SKI: variants seen among roughly 807,000 people sequenced by gnomAD.
SKI encodes ski oncogene.
SKI carries 23 observed loss-of-function variants against 59.3 expected under a neutral mutation model. The observed-to-expected ratio is 0.39, with a 90% CI of 0.28 to 0.55. SKI has a LOEUF of 0.55. Among genes scored for constraint, SKI ranks in the 20% least tolerant of loss-of-function variants. SKI has a pLI of 0.67. For synonymous variants in SKI, 673 were observed against 488.6 expected, an observed-to-expected ratio of 1.38 and a Z score of -4.98; for missense variants, 1,017 against 1,038.9, an observed-to-expected ratio of 0.98 and a Z score of 0.29.
chr1:2,283,936 A>G (rs980144705), intron 1 of SKI, among the ~76,000 whole-genome samples: 1 of 152,138 alleles, frequency 6.6e-6, no homozygotes, highest in African/African-American at 2.4e-5. Context: ...CCCTTCCTGC[A>G]GGAGGCGGGG....
chr1:2,241,151 A>C (rs1405504299), intron 1 of SKI, among the ~76,000 whole-genome samples: 1 of 152,238 alleles, frequency 6.6e-6, no homozygotes, highest in Non-Finnish European at 1.5e-5. Flanking sequence ...CAGAGGGCCC[A>C]GGGTCCCCTC....
At chr1:2,286,361 A>C (rs1640039785) in intron 1 of SKI, among the ~76,000 whole-genome samples, 1 of 151,378 alleles carries the variant, frequency 6.6e-6, no homozygotes, top group Non-Finnish European at 1.5e-5. Context: ...TGGGTGTGGT[A>C]GTGTGCCTGT....
intron 1 of SKI, among the ~76,000 whole-genome samples, chr1:2,237,288 C>T (rs994604457): frequency 2.0e-5 from 3 of 152,226 alleles, no homozygotes; most frequent in Non-Finnish European, 2.9e-5. Flanking sequence ...GCCTCTGTCT[C>T]TCTGTCCACG....
intron 1 of SKI, among the ~76,000 whole-genome samples, chr1:2,287,671 G>C (rs1011748822): frequency 3.3e-5 from 5 of 152,170 alleles, no homozygotes; most frequent in Non-Finnish European, 7.4e-5. Context: ...CCGCAGGGGG[G>C]GTGTGGACGG....
At chr1:2,305,711 C>T (rs2100923110) in intron 5 of SKI, among the ~76,000 whole-genome samples, 1 of 152,324 alleles carries the variant, frequency 6.6e-6, no homozygotes, top group South Asian at 2.1e-4. Context: ...GCCTACTTGG[C>T]TTGCTGCCCC....
intron 1 of SKI, among the ~76,000 whole-genome samples, chr1:2,257,677 C>A (rs1482766939): frequency 6.6e-6 from 1 of 152,098 alleles, no homozygotes; most frequent in Non-Finnish European, 1.5e-5. Flanking sequence ...ATTATTATAT[C>A]TTCTTGACAT....
At chr1:2,273,444 G>A (rs1639672228) in intron 1 of SKI, among the ~76,000 whole-genome samples, 1 of 152,112 alleles carries the variant, frequency 6.6e-6, no homozygotes, top group African/African-American at 2.4e-5. Flanking sequence ...TTCTCAGCTT[G>A]GCATGGGGAG....
rs186349773 is a variant in SKI, at chr1:2,237,844, G to A, written c.969+8109G>A. Among the ~76,000 whole-genome samples the A allele has an allele frequency of 1.2e-3, 177 of 152,352 alleles. 1 individual carries two copies. Among genetic ancestry groups the A allele is most frequent in the Non-Finnish European group, 1.4e-3 (97 of 68,026 alleles). ...CTCGTCCTGCAGAACACGCGTGAAC[G>A]CCTCATCCCTGAGGGCCCCGGGAGG... is the stretch of plus-strand genomic sequence containing the variant. On this transcript the variant is annotated intron_variant, in intron 1 of 6. Transcript: ENST00000378536.
chr1:2,306,500 G>A (rs1202000993), intron 6 of SKI, 77 bp from the exon 7 acceptor site: 31 of 1,433,994 alleles, frequency 2.2e-5, no homozygotes, highest in South Asian at 1.0e-4. Context: ...CGGCGCAGGA[G>A]CCTCGGGTGG....
At position 2,303,919 on chromosome 1, in the gene SKI, A is replaced by C. The variant is rs781680851; in HGVS notation, c.1291A>C (p.Ser431Arg). Residue 431 changes from serine (S) to arginine (R), a missense_variant, in exon 4 of 7, where the codon AGC becomes CGC. Physicochemically the swap from Ser to Arg is moderately radical, Grantham distance 110. Transcript: ENST00000378536. This position sits in a 1 kb window ranked among gnomAD's most constrained non-coding sequence, Gnocchi z 5.6. ...ACCGCCGGCCCAGCAGAAGGTTGTG[A>C]GCAGCCCTCCGTGTGCCGCCGCCGT... ...LAPPAQQKVV[S>R]SPPCAAAVSR... The C allele has an allele frequency of 5.0e-6, 8 of 1,611,978 alleles. No individual in the cohort carries two copies. The South Asian group carries it at 8.8e-5, about 18-fold the overall frequency.
In SKI at chr1:2,229,230, C is replaced by G. The variant is rs559020511; in HGVS notation, c.464C>G (p.Ala155Gly). 34 of 1,606,578 alleles carry G rather than the reference C, an allele frequency of 2.1e-5. No homozygotes were observed. The highest frequency in any genetic ancestry group is 2.8e-5 in the Non-Finnish European group (33 of 1,177,152). Reference sequence around the variant, plus strand: ...CACATCTACTGCTCGCGCTGCACGGCCGACCAGCTGGAGATCCTCAAAGTC... The same window carrying G: ...CACATCTACTGCTCGCGCTGCACGGGCGACCAGCTGGAGATCCTCAAAGTC... ...ELHIYCSRCTADQLEILKVMG... is the reference protein window; with the variant it reads ...ELHIYCSRCTGDQLEILKVMG... The change falls in exon 1 of 7, where the codon GCC becomes GGC. Residue 155 changes from alanine to glycine, a missense_variant. Transcript: ENST00000378536. This position sits in a 1 kb window ranked among gnomAD's most constrained non-coding sequence, Gnocchi z 6.3.
intron 1 of SKI, among the ~76,000 whole-genome samples, chr1:2,231,112 T>C (rs542527981): frequency 2.8e-4 from 42 of 152,246 alleles, no homozygotes; most frequent in Non-Finnish European, 3.8e-4. Flanking sequence ...GCCCTTCGTG[T>C]CACACGGGGA....
At chr1:2,262,382 A>G (rs1379215363) in intron 1 of SKI, among the ~76,000 whole-genome samples, 500 of 72,928 alleles carry the variant, frequency 6.9e-3, no homozygotes, top group Middle Eastern at 0.042. Flanking sequence ...GGGAGTGGAC[A>G]CCCTCGCTCC....
At chr1:2,304,671 C>A in intron 5 of SKI, 86 bp downstream of exon 5, 1 of 1,465,174 alleles carries the variant, frequency 6.8e-7, no homozygotes. Context: ...GGTGGTGCCT[C>A]CTCCCTTCCT....
At chr1:2,280,613 C>CGT (rs1639855913) in intron 1 of SKI, among the ~76,000 whole-genome samples, 1 of 144,294 alleles carries the variant, frequency 6.9e-6, no homozygotes, top group Non-Finnish European at 1.5e-5. Context: ...AGAAGATGCC[C>CGT]GAGAAGACAG....
Position 2,246,860 on chromosome 1 carries a change from G to T in SKI, c.969+17125G>T, listed in dbSNP as rs199889626. On this transcript the variant is annotated intron_variant, in intron 1 of 6. Transcript: ENST00000378536. ...CAGCAAAGAGGAACCTGATGGGGGG[G>T]GCCTCAGGAACCTCCACCTCGCCCA... Among the ~76,000 whole-genome samples, 328 of 150,920 alleles carry T rather than the reference G, an allele frequency of 2.2e-3. 7 individuals carry two copies. The East Asian group carries it at 0.053, about 24-fold the overall frequency.
intron 1 of SKI, among the ~76,000 whole-genome samples, chr1:2,241,561 T>C (rs1638873992): frequency 6.6e-6 from 1 of 151,932 alleles, no homozygotes; most frequent in South Asian, 2.1e-4. Flanking sequence ...CCCGGCTAAT[T>C]TTTTTGTGTT....
chr1:2,306,520 C>CCA, intron 6 of SKI, 57 bp from the exon 7 acceptor site: 1 of 1,498,194 alleles, frequency 6.7e-7, no homozygotes, highest in Admixed American at 2.0e-5. Context: ...GGGGAAGCAG[C>CCA]GTCGGGCCGG....
chr1:2,241,146 G>A (rs1638861539), intron 1 of SKI, among the ~76,000 whole-genome samples: 1 of 152,202 alleles, frequency 6.6e-6, no homozygotes, highest in Non-Finnish European at 1.5e-5. Context: ...GGGCACAGAG[G>A]GCCCAGGGTC....
Sources: gnomAD v4.1 joint callset for allele counts (sites outside exome capture counted in the v4.1 genomes callset) on GRCh38, gnomAD v4.1.1 for gene constraint, Gnocchi (gnomAD v3.1) non-coding constraint, MANE v1.5 for transcripts, NCBI Gene and HGNC (gene_info 2026-07-23, HGNC 2026-07-21) for gene names.